The following CCDC73 variants were observed in gnomAD, a reference collection of about 807,000 sequenced individuals.
CCDC73 encodes coiled-coil domain-containing protein 73.
Under a neutral mutation model 116.5 loss-of-function variants are expected in CCDC73, and 95 were observed. The ratio of observed to expected loss-of-function variants is 0.82; its 90% CI spans 0.69 to 0.97. CCDC73 has a LOEUF of 0.97. Ranked by LOEUF, CCDC73 falls within the 50% of genes least tolerant of loss-of-function variation. The pLI is 0.00. For missense variants in CCDC73, 1,066 were observed against 1,206.8 expected, an observed-to-expected ratio of 0.88 and a Z score of 1.73; for synonymous variants, 398 against 401.3, an observed-to-expected ratio of 0.99 and a Z score of 0.10.
chr11:32,626,081 CCAT>C (rs1158329213), intron 14 of CCDC73, among the ~76,000 whole-genome samples: 2 of 150,558 alleles, frequency 1.3e-5, no homozygotes, highest in Non-Finnish European at 3.0e-5. Flanking sequence ...CTAGAAAACC[CCAT>C]CGTCTCAGCC....
chr11:32,725,993 T>C (rs1324559752), intron 2 of CCDC73, among the ~76,000 whole-genome samples: 1 of 152,138 alleles, frequency 6.6e-6, no homozygotes, highest in Non-Finnish European at 1.5e-5. Context: ...TGGAAATAAA[T>C]TACTCCTCAC....
At chr11:32,783,493 CAG>C (rs1227582581) in intron 1 of CCDC73, among the ~76,000 whole-genome samples, 2 of 152,266 alleles carry the variant, frequency 1.3e-5, no homozygotes, top group Non-Finnish European at 2.9e-5. Flanking sequence ...TTATAAATAA[CAG>C]AAATTTATTT....
At chr11:32,630,637 C>T (rs1855623295) in intron 14 of CCDC73, among the ~76,000 whole-genome samples, 2 of 152,172 alleles carry the variant, frequency 1.3e-5, no homozygotes, top group Non-Finnish European at 2.9e-5. Flanking sequence ...GCCACTGCAC[C>T]CAGCTGTTTT....
chr11:32,809,409 G>A, the CCDC73 span, among the ~76,000 whole-genome samples: 1 of 152,208 alleles, frequency 6.6e-6, no homozygotes, highest in Non-Finnish European at 1.5e-5. Context: ...TGGTTAGGAC[G>A]CTAGGGGGCG....
intron 1 of CCDC73, among the ~76,000 whole-genome samples, chr11:32,789,530 G>A (rs1033734579): frequency 1.3e-5 from 2 of 152,100 alleles, no homozygotes; most frequent in African/African-American, 4.8e-5. Context: ...CAGCACTTTG[G>A]GAGGCTAAGG....
chr11:32,668,395 T>G (rs917903644), intron 9 of CCDC73, among the ~76,000 whole-genome samples: 1 of 152,016 alleles, frequency 6.6e-6, no homozygotes, highest in Non-Finnish European at 1.5e-5. Flanking sequence ...CTTAATAGAT[T>G]CAAAGATCTA....
the CCDC73 span, among the ~76,000 whole-genome samples, chr11:32,826,734 ATC>A: frequency 1.2e-3 from 190 of 152,032 alleles, 1 homozygote; most frequent in African/African-American, 4.5e-3. Flanking sequence ...ATGCTTCAAT[ATC>A]CCTCTTTGTA....
rs1434416567 is a variant in CCDC73, at chr11:32,761,010, G to A, written c.-15-752C>T. ...CTGTGTGTATATATGCTTTTGGCAAGTTTATCATATTTATAGCTTCATATA... is the reference window on the plus strand; with the variant it reads ...CTGTGTGTATATATGCTTTTGGCAAATTTATCATATTTATAGCTTCATATA... On this transcript the variant is annotated intron_variant, in intron 1 of 17. Coordinates refer to ENST00000335185, the MANE Select transcript of CCDC73 (RefSeq NM_001008391.4). Among the ~76,000 whole-genome samples the A allele has an allele frequency of 4.6e-5, 7 of 151,968 alleles. No homozygotes were observed. In the East Asian group the frequency reaches 1.2e-3, roughly 25 times the overall value.
chr11:32,655,091 C>CATTAAAGTGTATTT, intron 9 of CCDC73, 119 bp from the exon 10 acceptor site: 1 of 409,052 alleles, frequency 2.4e-6, no homozygotes, highest in Non-Finnish European at 3.7e-6. Context: ...TTATAATTCC[C>CATTAAAGTGTATTT]TTGCAAGTTC....
chr11:32,767,869 T>A (rs1850456957), intron 1 of CCDC73, among the ~76,000 whole-genome samples: 1 of 152,206 alleles, frequency 6.6e-6, no homozygotes, highest in African/African-American at 2.4e-5. Context: ...TTTACACTGT[T>A]GGTGGGACGG....
intron 2 of CCDC73, among the ~76,000 whole-genome samples, chr11:32,756,870 T>A (rs551359526): frequency 6.6e-6 from 1 of 152,226 alleles, no homozygotes; most frequent in Admixed American, 6.5e-5. Flanking sequence ...GTATTAAAAA[T>A]TTGCAATAAA....
chr11:32,629,285 A>G (rs1446945557), intron 14 of CCDC73, among the ~76,000 whole-genome samples: 2 of 152,208 alleles, frequency 1.3e-5, no homozygotes, highest in African/African-American at 4.8e-5. Context: ...TGAAAACTAT[A>G]TATAGCCAAG....
rs200421115 is a variant in CCDC73, at chr11:32,697,794, G to GT, written c.390+1456dup. Among the ~76,000 whole-genome samples the GT allele has an allele frequency of 3.5e-3, 529 of 151,458 alleles. 6 individuals carry two copies. The highest frequency in any genetic ancestry group is 0.012 in the African/African-American group (510 of 41,238). ...CCCTTTCTTTTTTCATGACACTGAA[G>GT]TTTTTTTTGTTTTGGTTTTAACTTT... On this transcript the variant is annotated intron_variant, in intron 6 of 17. Coordinates refer to ENST00000335185, the MANE Select transcript of CCDC73 (RefSeq NM_001008391.4).
At chr11:32,721,471 T>C (rs1001078092) in intron 2 of CCDC73, among the ~76,000 whole-genome samples, 1 of 152,240 alleles carries the variant, frequency 6.6e-6, no homozygotes, top group Non-Finnish European at 1.5e-5. Flanking sequence ...GTGTTCACTG[T>C]AAAATTCTTT....
chr11:32,641,860 G>A (rs571398911), intron 13 of CCDC73, 112 bp downstream of exon 13: 1 of 836,046 alleles, frequency 1.2e-6, no homozygotes, highest in South Asian at 4.8e-5. Flanking sequence ...AAAAAAATGT[G>A]TCTGATTTTA....
chr11:32,741,387 CCT>C (rs1279527954), intron 2 of CCDC73, among the ~76,000 whole-genome samples: 3 of 152,090 alleles, frequency 2.0e-5, no homozygotes, highest in African/African-American at 7.2e-5. Context: ...ACTGTTATAT[CCT>C]CTTTCTGACT....
chr11:32,827,602 C>T, the CCDC73 span, among the ~76,000 whole-genome samples: 4 of 152,172 alleles, frequency 2.6e-5, no homozygotes, highest in African/African-American at 9.7e-5. Context: ...TGGCCTCTCC[C>T]CAAAGTAGTG....
At chr11:32,706,889 T>C (rs1269210980) in intron 3 of CCDC73, among the ~76,000 whole-genome samples, 2 of 152,214 alleles carry the variant, frequency 1.3e-5, no homozygotes, top group African/African-American at 4.8e-5. Context: ...CTCCTGTTTT[T>C]TATTTTCCTT....
At chr11:32,701,641 T>A (rs1849813961) in intron 4 of CCDC73, among the ~76,000 whole-genome samples, 1 of 152,044 alleles carries the variant, frequency 6.6e-6, no homozygotes, top group Non-Finnish European at 1.5e-5. Context: ...TGAGCTGAGA[T>A]CACGCTACTG....
Sources: gnomAD v4.1 joint callset for allele counts (sites outside exome capture counted in the v4.1 genomes callset) on GRCh38, gnomAD v4.1.1 for gene constraint, MANE v1.5 for transcripts, NCBI Gene and HGNC (gene_info 2026-07-23, HGNC 2026-07-21) for gene names.